PCDHGA3: variants seen among roughly 807,000 people sequenced by gnomAD.
The protein encoded by PCDHGA3 is protocadherin gamma subfamily A, 3.
Under a neutral mutation model 58.5 loss-of-function variants are expected in PCDHGA3, and 40 were observed. The observed-to-expected ratio is 0.68, with a 90% CI of 0.53 to 0.89. The LOEUF (loss-of-function observed/expected upper bound fraction) is 0.89, where lower values mean the gene tolerates loss of function less well. Among genes scored for constraint, PCDHGA3 ranks in the 40% least tolerant of loss-of-function variants. The pLI, the probability that PCDHGA3 is intolerant of heterozygous loss-of-function variation, is 0.00. For missense variants in PCDHGA3, 1,223 were observed against 1,195.9 expected, an observed-to-expected ratio of 1.02 and a Z score of -0.33; for synonymous variants, 530 against 525.7, an observed-to-expected ratio of 1.01 and a Z score of -0.11.
intron 1 of PCDHGA3, 134 bp from the exon 2 acceptor site, chr5:141,494,673 C>G: frequency 4.5e-6 from 7 of 1,542,992 alleles, no homozygotes; most frequent in Non-Finnish European, 6.1e-6. Flanking sequence ...GATGAGTCCA[C>G]CCCTGCCCCC....
At position 141,491,289 on chromosome 5, in the gene PCDHGA3, C is replaced by T. The variant is rs2099710219; in HGVS notation, c.2425-3518C>T. ...CCAAATCCAGTGACTTCCTCATACA[C>T]CCTCCTGAGCGTTCAGACCTTACCC... On this transcript the variant is annotated intron_variant, in intron 1 of 3. Transcript: ENST00000253812. The surrounding 1 kb of genome is among the most constrained non-coding windows in gnomAD (Gnocchi z 6.9). 2 of 1,614,112 alleles carry T rather than the reference C, an allele frequency of 1.2e-6. No homozygotes were observed. The highest frequency in any genetic ancestry group is 1.7e-6 in the Non-Finnish European group (2 of 1,179,942).
At position 141,487,611 on chromosome 5, in the gene PCDHGA3, T is replaced by C. The variant is rs1215704705; in HGVS notation, c.2425-7196T>C. ...CCACCCTCTGATCTTCTCTATGGGCTAGAGGTGAGACCTTTGCAGGCTCAA... is the reference window on the plus strand; with the variant it reads ...CCACCCTCTGATCTTCTCTATGGGCCAGAGGTGAGACCTTTGCAGGCTCAA... On this transcript the variant is annotated intron_variant, in intron 1 of 3. Transcript: ENST00000253812. This position sits in a 1 kb window ranked among gnomAD's most constrained non-coding sequence, Gnocchi z 5.0. The C allele has an allele frequency of 1.2e-6, 2 of 1,614,206 alleles. No homozygotes were observed. The highest frequency in any genetic ancestry group is 1.7e-6 in the Non-Finnish European group (2 of 1,180,036).
Position 141,360,234 on chromosome 5 carries a change from C to T in PCDHGA3, c.2424+13777C>T, listed in dbSNP as rs774582698. The T allele has an allele frequency of 3.1e-6, 5 of 1,613,870 alleles. No individual in the cohort carries two copies. The South Asian group carries it at 5.5e-5, about 18-fold the overall frequency. On this transcript the variant is annotated intron_variant, in intron 1 of 3. Transcript: ENST00000253812. ...TCCCCGGGGCTCTCCCAGTCCAGAT[C>T]CGCTATTCAATTCCAGAGGAGCTGG...
intron 2 of PCDHGA3, among the ~76,000 whole-genome samples, chr5:141,500,231 C>T (rs992215482): frequency 1.4e-5 from 2 of 138,098 alleles, no homozygotes; most frequent in East Asian, 4.1e-4. Context: ...TTTATTGATA[C>T]GTAGCCTTGC....
In PCDHGA3 at chr5:141,357,579, A is replaced by T. The variant is rs980931291; in HGVS notation, c.2424+11122A>T. 5 of 1,614,088 alleles carry T rather than the reference A, an allele frequency of 3.1e-6. No homozygotes were observed. In the African/African-American group the frequency reaches 5.3e-5, roughly 17 times the overall value. ...GTGAGAAAAGCGAGCCTCTTCTGAT[A>T]ACTCAGGATTTACTTGAAACAAAAG... On this transcript the variant is annotated intron_variant, in intron 1 of 3. Transcript: ENST00000253812.
chr5:141,366,765 T>G (rs373961637), intron 1 of PCDHGA3: 1 of 1,604,708 alleles, frequency 6.2e-7, no homozygotes, highest in East Asian at 2.2e-5. Flanking sequence ...AGTTTTCTCT[T>G]TCGGTAAGGA....
chr5:141,409,481 A>G (rs1589715212), intron 1 of PCDHGA3: 1 of 1,613,968 alleles, frequency 6.2e-7, no homozygotes, highest in Non-Finnish European at 8.5e-7. Context: ...AGCCACTGAC[A>G]GGGGCAAGCC....
intron 1 of PCDHGA3, among the ~76,000 whole-genome samples, chr5:141,387,296 C>T (rs2090893790): frequency 6.6e-6 from 1 of 152,134 alleles, no homozygotes; most frequent in Non-Finnish European, 1.5e-5. Flanking sequence ...TAAAATGTAT[C>T]CAGTATATTT....
intron 1 of PCDHGA3, among the ~76,000 whole-genome samples, chr5:141,475,253 A>C (rs2099360990): frequency 6.6e-6 from 1 of 152,200 alleles, no homozygotes; most frequent in Non-Finnish European, 1.5e-5. Flanking sequence ...GTGCTCTACA[A>C]CTGAGATCAT....
At position 141,344,568 on chromosome 5, in the gene PCDHGA3, T is replaced by C. The variant is rs755011747; in HGVS notation, c.535T>C (p.Ser179Pro). Residue 179 changes from serine to proline, a missense_variant, in exon 1 of 4, where the codon TCT (serine) becomes CCT (proline). By Grantham distance (74) the Ser-to-Pro change is moderately conservative. Transcript: ENST00000253812. ...NYKLSPNDYFSLAVNSVSEGA... is the reference protein window; with the variant it reads ...NYKLSPNDYFPLAVNSVSEGA... Reference sequence around the variant, plus strand: ...CAAGCTTAGCCCCAATGACTACTTCTCTCTGGCTGTGAATAGCGTCTCTGA... The same window carrying C: ...CAAGCTTAGCCCCAATGACTACTTCCCTCTGGCTGTGAATAGCGTCTCTGA... 10 of 1,613,890 alleles carry C rather than the reference T, an allele frequency of 6.2e-6. No individual in the cohort carries two copies. Among genetic ancestry groups the C allele is most frequent in the African/African-American group, 1.3e-5 (1 of 74,934 alleles).
intron 1 of PCDHGA3, among the ~76,000 whole-genome samples, chr5:141,369,915 A>G (rs1429162797): frequency 6.6e-6 from 1 of 152,226 alleles, no homozygotes; most frequent in African/African-American, 2.4e-5. Flanking sequence ...TGAAAATGGA[A>G]ACTAAAAACG....
chr5:141,400,503 G>T, intron 1 of PCDHGA3: 1 of 1,614,022 alleles, frequency 6.2e-7, no homozygotes, highest in Non-Finnish European at 8.5e-7. Context: ...ATTCCAGCGA[G>T]TCGACTTCCC....
At chr5:141,479,964 A>G (rs188553800) in intron 1 of PCDHGA3, among the ~76,000 whole-genome samples, 1 of 152,330 alleles carries the variant, frequency 6.6e-6, no homozygotes, top group East Asian at 1.9e-4. Context: ...AGTTAGTCAA[A>G]TGAGGTTCTA....
chr5:141,441,762 C>A (rs3805697), intron 1 of PCDHGA3: 10 of 374,012 alleles, frequency 2.7e-5, no homozygotes, highest in Non-Finnish European at 2.2e-5. Flanking sequence ...CGTGAGCCTG[C>A]GCGTGTTGGT....
chr5:141,430,309 A>G (rs984998714), intron 1 of PCDHGA3, among the ~76,000 whole-genome samples: 2 of 152,116 alleles, frequency 1.3e-5, no homozygotes, highest in Non-Finnish European at 2.9e-5. Context: ...CACTAACATT[A>G]TAAGATTAAA....
chr5:141,381,988 C>A (rs1777837622), intron 1 of PCDHGA3, among the ~76,000 whole-genome samples: 1 of 151,770 alleles, frequency 6.6e-6, no homozygotes, highest in South Asian at 2.1e-4. Flanking sequence ...CGCCACCACG[C>A]CCGGATAATT....
Position 141,393,858 on chromosome 5 carries a change from A to G in PCDHGA3, c.2424+47401A>G, listed in dbSNP as rs777304987. The G allele has an allele frequency of 1.2e-5, 20 of 1,613,912 alleles. No homozygotes were observed. Among genetic ancestry groups the G allele is most frequent in the Admixed American group, 8.3e-5 (5 of 60,008 alleles). On this transcript the variant is annotated intron_variant, in intron 1 of 3. Transcript: ENST00000253812. ...AAATGACAATAGACCAGAAGTGATC[A>G]TTACGTCTTTGTTTAGCCCAGTGTT...
Position 141,345,729 on chromosome 5 carries a change from G to T in PCDHGA3, c.1696G>T (p.Ala566Ser), listed in dbSNP as rs200275256. 617 of 1,614,194 alleles carry T rather than the reference G, an allele frequency of 3.8e-4. No individual in the cohort carries two copies. The highest frequency in any genetic ancestry group is 4.6e-4 in the Non-Finnish European group (547 of 1,180,028). Residue 566 changes from alanine to serine, a missense_variant, in exon 1 of 4, where the codon GCC becomes TCC. By Grantham distance (99) the Ala-to-Ser change is moderately conservative. Transcript: ENST00000253812. ...NDNAPEILYP[A>S]LPTDGSTGVE... ...CAACGCGCCCGAGATCCTGTACCCCGCCCTCCCCACAGACGGTTCCACTGG... is the reference window on the plus strand; with the variant it reads ...CAACGCGCCCGAGATCCTGTACCCCTCCCTCCCCACAGACGGTTCCACTGG...
chr5:141,381,826 CTTTTTTT>C (rs770630741), intron 1 of PCDHGA3, among the ~76,000 whole-genome samples: 293 of 74,292 alleles, frequency 3.9e-3, no homozygotes, highest in Middle Eastern at 0.016. Context: ...CTTTCTTCTT[CTTTTTTT>C]TTTTTTTTTT....
Sources: allele counts gnomAD v4.1 joint callset (sites outside exome capture counted in the v4.1 genomes callset), GRCh38; gene constraint gnomAD v4.1.1; non-coding constraint Gnocchi (gnomAD v3.1); transcripts MANE v1.5; gene names NCBI Gene and HGNC (gene_info 2026-07-23, HGNC 2026-07-21).